OGG1: variants seen among roughly 807,000 people sequenced by gnomAD.
OGG1 encodes the protein N-glycosylase/DNA lyase.
In OGG1, 35 loss-of-function variants were observed where a neutral mutation model predicts 42.3. That is an observed-to-expected ratio of 0.83 (90% CI 0.63 to 1.10). The LOEUF is 1.10. Among genes scored for constraint, OGG1 ranks in the 50% least tolerant of loss-of-function variants. The pLI, the probability that OGG1 is intolerant of heterozygous loss-of-function variation, is 0.00. For synonymous variants in OGG1, 189 were observed against 179.0 expected (o/e 1.06, Z -0.44); for missense variants, 484 against 446.7 (o/e 1.08, Z -0.75).
downstream of OGG1, chr3:9,757,885 C>A: frequency 6.4e-7 from 1 of 1,569,118 alleles, no homozygotes; most frequent in East Asian, 2.3e-5. The surrounding 1 kb of genome is among the most constrained non-coding windows in gnomAD (Gnocchi z 4.5). Flanking sequence ...GGAGAAAGGA[C>A]TTTTGAGAGA....
In OGG1 at chr3:9,750,321, G is replaced by A. The variant is rs772520254; in HGVS notation, c.35G>A (p.Gly12Glu). The A allele has an allele frequency of 1.2e-6, 2 of 1,613,710 alleles. No individual in the cohort carries two copies. Among genetic ancestry groups the A allele is most frequent in the Admixed American group, 1.7e-5 (1 of 60,022 alleles). Residue 12 changes from glycine to glutamate, a missense_variant, in exon 1 of 7, where the codon GGG (glycine) becomes GAG (glutamate). Transcript: ENST00000344629. ...PARALLPRRM[G>E]HRTLASTPAL... ...CGCGCGCTTCTGCCCAGGCGCATGG[G>A]GCATCGTACTCTAGCCTCCACTCCT...
intron 7 of OGG1, chr3:9,762,862 C>G (rs370639619): frequency 4.3e-5 from 69 of 1,589,448 alleles, no homozygotes; most frequent in Non-Finnish European, 5.7e-5. Context: ...TTGGGGTTTG[C>G]AAAGGCCCCA....
At chr3:9,764,192 A>C (rs2078028029) in intron 7 of OGG1, among the ~76,000 whole-genome samples, 1 of 152,212 alleles carries the variant, frequency 6.6e-6, no homozygotes, top group Non-Finnish European at 1.5e-5. Context: ...TACTTCCCTC[A>C]AAGAGTTGGA....
At chr3:9,755,982 A>G (rs1183064607) in intron 4 of OGG1, among the ~76,000 whole-genome samples, 1 of 152,126 alleles carries the variant, frequency 6.6e-6, no homozygotes, top group Non-Finnish European at 1.5e-5. Context: ...CCTGGCCCAC[A>G]TAGGTGTTCA....
chr3:9,751,706 G>A (rs925048457), intron 2 of OGG1, 64 bp from the exon 3 acceptor site: 48 of 1,488,908 alleles, frequency 3.2e-5, no homozygotes, highest in Non-Finnish European at 4.4e-5. Flanking sequence ...TCTGACCTGT[G>A]GGTGGGAAGA....
chr3:9,751,280 T>C, intron 2 of OGG1, 88 bp downstream of exon 2: 1 of 1,347,354 alleles, frequency 7.4e-7, no homozygotes. Flanking sequence ...AAATGGGGAT[T>C]ATATCTACTT....
intron 2 of OGG1, chr3:9,780,252 A>T (rs1252218675): frequency 7.8e-7 from 1 of 1,275,930 alleles, no homozygotes; most frequent in Non-Finnish European, 1.1e-6. Context: ...GACTGCCGCC[A>T]TTTGAGGGAC....
At chr3:9,788,543 C>CTT (rs879587825), downstream of OGG1, among the ~76,000 whole-genome samples, 1 of 133,864 alleles carries the variant, frequency 7.5e-6, no homozygotes, top group Non-Finnish European at 1.6e-5. Flanking sequence ...CCGCACCCGG[C>CTT]TTTTTTTTTT....
At chr3:9,756,977 T>C (rs996438631) in intron 6 of OGG1, 84 bp from the exon 7 acceptor site, 20 of 1,612,364 alleles carry the variant, frequency 1.2e-5, no homozygotes, top group Admixed American at 3.3e-5. Context: ...CCAAGGACTC[T>C]TCCACCTCCC....
chr3:9,759,416 C>T (rs1301962109), downstream of OGG1: 25 of 1,602,312 alleles, frequency 1.6e-5, no homozygotes, highest in Non-Finnish European at 1.8e-5. Context: ...AGGTGCTGTG[C>T]AAGCTGAGCC....
At chr3:9,773,659 T>C (rs1160036546) in intron 2 of OGG1, among the ~76,000 whole-genome samples, 1 of 149,894 alleles carries the variant, frequency 6.7e-6, no homozygotes, top group African/African-American at 2.5e-5. Context: ...GGCTAAACAG[T>C]GCAGACATCT....
At chr3:9,781,464 C>G (rs1473441929) in intron 2 of OGG1, 1 of 449,908 alleles carries the variant, frequency 2.2e-6, no homozygotes, top group African/African-American at 2.0e-5. Context: ...AGGGGGAGAT[C>G]TGGAGCAGGC....
chr3:9,760,760 C>T (rs1310899787), downstream of OGG1: 1 of 1,614,024 alleles, frequency 6.2e-7, no homozygotes, highest in South Asian at 1.1e-5. Context: ...GGGAGGGTAA[C>T]CGCAGAGCCT....
chr3:9,760,620 G>A, downstream of OGG1: 1 of 1,610,174 alleles, frequency 6.2e-7, no homozygotes, highest in Non-Finnish European at 8.5e-7. Flanking sequence ...GGAACCAGAG[G>A]CAGGGCCCAG....
At chr3:9,788,800 A>G (rs1489261764), downstream of OGG1, among the ~76,000 whole-genome samples, 1 of 151,190 alleles carries the variant, frequency 6.6e-6, no homozygotes, top group Non-Finnish European at 1.5e-5. Context: ...ACAGCCTCCC[A>G]AAGTGTTGGG....
At chr3:9,758,549 C>A (rs2077695585), downstream of OGG1, 1 of 155,908 alleles carries the variant, frequency 6.4e-6, no homozygotes, top group Non-Finnish European at 1.4e-5. Context: ...CAAACCCTTA[C>A]CATCTCCTGC....
chr3:9,776,828 G>A (rs961164640), intron 2 of OGG1, among the ~76,000 whole-genome samples: 1 of 152,166 alleles, frequency 6.6e-6, no homozygotes, highest in Non-Finnish European at 1.5e-5. Flanking sequence ...GTATAATGAA[G>A]AAGTGGAGGT....
At chr3:9,767,802 G>A (rs2078196636), downstream of OGG1, 2 of 1,609,178 alleles carry the variant, frequency 1.2e-6, no homozygotes, top group South Asian at 1.1e-5. Flanking sequence ...AATGGAAGGA[G>A]GAGACTCAGC....
chr3:9,759,093 C>G (rs2077723719), downstream of OGG1: 6 of 1,031,000 alleles, frequency 5.8e-6, no homozygotes, highest in Non-Finnish European at 9.2e-6. Context: ...GTCCCCTCAG[C>G]CCCTCCAGTC....
Sources: allele counts gnomAD v4.1 joint callset (sites outside exome capture counted in the v4.1 genomes callset), GRCh38; gene constraint gnomAD v4.1.1; non-coding constraint Gnocchi (gnomAD v3.1); transcripts MANE v1.5; gene names NCBI Gene and HGNC (gene_info 2026-07-23, HGNC 2026-07-21).